Variants in MRPS9 observed in about 807,000 individuals in gnomAD.
The protein encoded by MRPS9 is mitochondrial ribosomal protein S9, also known as small ribosomal subunit protein uS9m.
A neutral mutation model predicts 59.9 loss-of-function variants in MRPS9; 45 were observed. The observed-to-expected ratio is 0.75, with a 90% CI of 0.59 to 0.96. MRPS9 has a LOEUF of 0.96. Among genes scored for constraint, MRPS9 ranks in the 40% least tolerant of loss-of-function variants. The pLI, the probability that MRPS9 is intolerant of heterozygous loss-of-function variation, is 0.00. For synonymous variants in MRPS9, 171 were observed against 166.8 expected, an observed-to-expected ratio of 1.03 and a Z score of -0.19; for missense variants, 473 against 481.1, an observed-to-expected ratio of 0.98 and a Z score of 0.16.
intron 2 of MRPS9, among the ~76,000 whole-genome samples, chr2:105,050,115 C>G (rs1679682215): frequency 6.6e-6 from 1 of 151,852 alleles, no homozygotes; most frequent in Non-Finnish European, 1.5e-5. Context: ...ATTTTTTATT[C>G]AACCAGAAGG....
At chr2:105,085,999 C>G (rs1204072163) in intron 5 of MRPS9, among the ~76,000 whole-genome samples, 1 of 152,044 alleles carries the variant, frequency 6.6e-6, no homozygotes, top group African/African-American at 2.4e-5. Flanking sequence ...AATCTACTTT[C>G]CAGAGAACTG....
chr2:105,098,855 G>A (rs1181842165), intron 10 of MRPS9, among the ~76,000 whole-genome samples: 1 of 152,170 alleles, frequency 6.6e-6, no homozygotes, highest in South Asian at 2.1e-4. Context: ...TAAAAGCAAT[G>A]TAAGAGCTTT....
chr2:105,042,433 A>G (rs1347799501), intron 1 of MRPS9, among the ~76,000 whole-genome samples: 1 of 152,260 alleles, frequency 6.6e-6, no homozygotes, highest in Admixed American at 6.5e-5. Context: ...AAGGTAAGCA[A>G]GAGAGAAGAA....
chr2:105,040,021 G>A (rs1189693157), intron 1 of MRPS9, among the ~76,000 whole-genome samples: 2 of 152,116 alleles, frequency 1.3e-5, no homozygotes, highest in Non-Finnish European at 2.9e-5. Context: ...TCCTGAAATG[G>A]CTGAATCCCC....
chr2:105,097,433 TA>T, intron 10 of MRPS9, 109 bp downstream of exon 10: 1 of 1,022,248 alleles, frequency 9.8e-7, no homozygotes, highest in Non-Finnish European at 1.3e-6. Flanking sequence ...GTTACATATG[TA>T]ATATTTCACT....
intron 4 of MRPS9, among the ~76,000 whole-genome samples, chr2:105,077,212 T>C (rs200543549): frequency 2.1e-5 from 3 of 139,804 alleles, no homozygotes; most frequent in East Asian, 2.1e-4. Flanking sequence ...GCCACTGCAC[T>C]CCAGCCTGGG....
At chr2:105,084,364 C>T (rs1469060434) in intron 5 of MRPS9, among the ~76,000 whole-genome samples, 1 of 151,588 alleles carries the variant, frequency 6.6e-6, no homozygotes, top group East Asian at 1.9e-4. Flanking sequence ...GTTCATTTGC[C>T]TTGTGAAGGA....
intron 1 of MRPS9, among the ~76,000 whole-genome samples, chr2:105,039,078 T>C (rs7594241): frequency 0.49 from 73,726 of 151,672 alleles, 18,139 homozygotes; most frequent in East Asian, 0.66. Context: ...ATAAGAGGCC[T>C]CAAGAGATTG....
intron 5 of MRPS9, among the ~76,000 whole-genome samples, chr2:105,087,353 T>C (rs970382835): frequency 1.3e-5 from 2 of 152,180 alleles, no homozygotes; most frequent in African/African-American, 2.4e-5. Flanking sequence ...CCCTCTGCTA[T>C]TGTGTTGAAC....
chr2:105,065,056 T>C (rs577458626), intron 2 of MRPS9, among the ~76,000 whole-genome samples: 42 of 152,344 alleles, frequency 2.8e-4, no homozygotes, highest in African/African-American at 9.9e-4. Flanking sequence ...TCTCCACTGA[T>C]AGAATGAGGT....
At chr2:105,091,437 G>A (rs1283974794) in intron 7 of MRPS9, 1 of 470,024 alleles carries the variant, frequency 2.1e-6, no homozygotes, top group Non-Finnish European at 4.4e-6. Flanking sequence ...ATCCTAGGTA[G>A]CTGAGTATTT....
At chr2:105,084,895 A>G (rs1221113275) in intron 5 of MRPS9, among the ~76,000 whole-genome samples, 2 of 152,184 alleles carry the variant, frequency 1.3e-5, no homozygotes, top group African/African-American at 4.8e-5. Context: ...TTAATTTTTT[A>G]GAAAAGGATT....
At chr2:105,099,259 G>C (rs1419619554) in intron 10 of MRPS9, 1 of 154,772 alleles carries the variant, frequency 6.5e-6, no homozygotes, top group African/African-American at 2.4e-5. Context: ...TTTACAGTAA[G>C]TTTTTCTTCT....
Position 105,092,417 on chromosome 2 carries a change from G to T in MRPS9, c.668G>T (p.Arg223Leu), listed in dbSNP as rs770559952. Residue 223 changes from arginine (R) to leucine (L), a missense_variant, in exon 8 of 11, where the codon CGG becomes CTG. Transcript: ENST00000258455. ...LSDLDYMQFI[R>L]LLEKLLTSQC... Reference sequence around the variant, plus strand: ...TGTCTGCAGTATATGCAGTTCATTCGGCTGCTAGAAAAGTTATTGACATCG... The same window carrying T: ...TGTCTGCAGTATATGCAGTTCATTCTGCTGCTAGAAAAGTTATTGACATCG... 1.2e-6 allele frequency: 2 copies of T among 1,611,076 alleles called. No individual in the cohort carries two copies. The highest frequency in any genetic ancestry group is 1.7e-6 in the Non-Finnish European group (2 of 1,179,210).
chr2:105,058,253 CA>C (rs1679830470), intron 2 of MRPS9, among the ~76,000 whole-genome samples: 1 of 152,146 alleles, frequency 6.6e-6, no homozygotes, highest in Admixed American at 6.6e-5. Flanking sequence ...AATAAATTAG[CA>C]CCTGTACATT....
chr2:105,056,109 A>G (rs1023887776), intron 2 of MRPS9, among the ~76,000 whole-genome samples: 3 of 151,674 alleles, frequency 2.0e-5, no homozygotes, highest in Non-Finnish European at 2.9e-5. Context: ...AAAACCTTCT[A>G]TGTTATGTGT....
intron 2 of MRPS9, among the ~76,000 whole-genome samples, chr2:105,058,441 G>A (rs183386873): frequency 6.1e-4 from 93 of 152,284 alleles, no homozygotes; most frequent in Admixed American, 9.8e-4. Flanking sequence ...TTTGATTTAA[G>A]TCTAAGAACA....
intron 9 of MRPS9, among the ~76,000 whole-genome samples, chr2:105,094,973 G>A (rs1337285024): frequency 1.3e-5 from 2 of 152,106 alleles, no homozygotes; most frequent in Non-Finnish European, 1.5e-5. Context: ...CTCCAGTCTT[G>A]TTCTGGGCAT....
At position 105,038,208 on chromosome 2, in the gene MRPS9, AAAC is replaced by A; in HGVS notation, c.119_121del (p.Thr40del). 1 of 1,612,508 alleles carries A rather than the reference AAAC, an allele frequency of 6.2e-7. No homozygotes were observed. The highest frequency in any genetic ancestry group is 1.3e-5 in the African/African-American group (1 of 75,020). ...TGGAAAACCGCGGCCCCTGAGTTGCAAACAAATGTCAGATCCCAGGTAAGGCCT... is the reference window on the plus strand; with the variant it reads ...TGGAAAACCGCGGCCCCTGAGTTGCAAAATGTCAGATCCCAGGTAAGGCCT... On this transcript the variant is annotated inframe_deletion, in exon 1 of 11. Coordinates refer to ENST00000258455, the MANE Select transcript of MRPS9 (RefSeq NM_182640.3).
Sources: allele counts gnomAD v4.1 joint callset (sites outside exome capture counted in the v4.1 genomes callset), GRCh38; gene constraint gnomAD v4.1.1; transcripts MANE v1.5; gene names NCBI Gene and HGNC (gene_info 2026-07-23, HGNC 2026-07-21).